SPTBN2: variants seen among roughly 807,000 people sequenced by gnomAD.
SPTBN2 encodes the protein spectrin beta, non-erythrocytic 2.
SPTBN2 carries 107 observed loss-of-function variants against 284.2 expected under a neutral mutation model. The ratio of observed to expected loss-of-function variants is 0.38; its 90% CI spans 0.32 to 0.44. The LOEUF is 0.44. Among genes scored for constraint, SPTBN2 ranks in the 20% least tolerant of loss-of-function variants. The pLI, the probability that SPTBN2 is intolerant of heterozygous loss-of-function variation, is 1.00. For missense variants in SPTBN2, 2,569 were observed against 3,287.1 expected (o/e 0.78, Z 5.34); for synonymous variants, 1,289 against 1,354.8 (o/e 0.95, Z 1.07).
At position 66,689,828 on chromosome 11, in the gene SPTBN2, T is replaced by A; in HGVS notation, c.5926A>T (p.Arg1976Trp). Reference protein sequence around the residue: ...CIDMGKELLARSHYAAEEISE... With the variant: ...CIDMGKELLAWSHYAAEEISE... ...ACCTCCTCGGCCGCATAGTGGCTCC[T>A]GGCCAGCAGCTCCTTCCCCATGTCG... The change falls in exon 29 of 38, where the codon AGG (arginine) becomes TGG (tryptophan). Residue 1976 changes from arginine (R) to tryptophan (W), a missense_variant. By Grantham distance (101) the Arg-to-Trp change is moderately radical. This residue lies in a region of SPTBN2 where 1,130 missense variants were observed against 1,317.3 expected (regional missense o/e 0.86). Transcript: ENST00000533211. The A allele has an allele frequency of 6.2e-7, 1 of 1,613,912 alleles. No individual in the cohort carries two copies. The highest frequency in any genetic ancestry group is 8.5e-7 in the Non-Finnish European group (1 of 1,180,020).
At chr11:66,733,841 G>A (rs1050294175), upstream of SPTBN2, among the ~76,000 whole-genome samples, 24 of 152,170 alleles carry the variant, frequency 1.6e-4, no homozygotes, top group Admixed American at 7.2e-4. Flanking sequence ...AGCCGGGCGC[G>A]GTGGCAGGCG....
In SPTBN2 at chr11:66,708,742, GCA is replaced by G. The variant is rs1437287499; in HGVS notation, c.1191+158_1191+159del. On this transcript the variant is annotated intron_variant, in intron 11 of 37. Coordinates refer to ENST00000533211, the MANE Select transcript of SPTBN2 (RefSeq NM_006946.4). The surrounding 1 kb of genome is among the most constrained non-coding windows in gnomAD (Gnocchi z 4.4). ...TGAGAGGATGGGAGAATCACATCTG[GCA>G]CAGTGTGGGCAGCTGGGCAGAGTGC... Among the ~76,000 whole-genome samples the G allele has an allele frequency of 6.6e-6, 1 of 152,166 alleles. No individual in the cohort carries two copies. Among genetic ancestry groups the G allele is most frequent in the Non-Finnish European group, 1.5e-5 (1 of 68,040 alleles).
At chr11:66,706,904 T>C (rs1293541705) in intron 13 of SPTBN2, among the ~76,000 whole-genome samples, 1 of 152,246 alleles carries the variant, frequency 6.6e-6, no homozygotes, top group African/African-American at 2.4e-5. Context: ...AGAGCTGGGA[T>C]TACAGGCATG....
At chr11:66,732,372 G>T (rs550360432), upstream of SPTBN2, among the ~76,000 whole-genome samples, 1 of 152,356 alleles carries the variant, frequency 6.6e-6, no homozygotes, top group South Asian at 2.1e-4. Flanking sequence ...AAGAGGCCGG[G>T]TGCAGTGGCT....
intron 1 of SPTBN2, among the ~76,000 whole-genome samples, chr11:66,743,556 C>CCAAA (rs1942918584): frequency 2.0e-5 from 3 of 152,328 alleles, no homozygotes; most frequent in Non-Finnish European, 2.9e-5. Flanking sequence ...AGATCACCAG[C>CCAAA]AGTTATAGGC....
chr11:66,709,805 G>C (rs1481314409), intron 10 of SPTBN2, among the ~76,000 whole-genome samples: 3 of 152,198 alleles, frequency 2.0e-5, no homozygotes, highest in Non-Finnish European at 4.4e-5. Flanking sequence ...GGCAGGTACT[G>C]AACAGAATTG....
In SPTBN2 at chr11:66,688,095, G is replaced by C. The variant is rs376626638; in HGVS notation, c.6375-16C>G. The C allele has an allele frequency of 5.5e-4, 880 of 1,613,904 alleles. 9 individuals carry two copies. In the South Asian group the frequency reaches 9.2e-3, roughly 17 times the overall value. ...TGGCTGGGTTCTGGGATGACCAAAG[G>C]CAACACAGAATCATTAGTCCCTGGG... On this transcript the variant is annotated splice_polypyrimidine_tract_variant and intron_variant, in intron 32 of 37. Transcript: ENST00000533211.
In SPTBN2 at chr11:66,710,566, C is replaced by T. The variant is rs751652661; in HGVS notation, c.1073+16G>A. 2.5e-6 allele frequency: 4 copies of T among 1,611,896 alleles called. No individual in the cohort carries two copies. The highest frequency in any genetic ancestry group is 8.5e-7 in the Non-Finnish European group (1 of 1,179,176). ...GAGCACAGCTCAGGGAAGGGTGGGG[C>T]CCCAGGGACACCTACTTGGGCGGCT... On this transcript the variant is annotated intron_variant, in intron 10 of 37. Coordinates refer to ENST00000533211, the MANE Select transcript of SPTBN2 (RefSeq NM_006946.4). This position sits in a 1 kb window ranked among gnomAD's most constrained non-coding sequence, Gnocchi z 4.9.
chr11:66,713,762 A>G lies in SPTBN2; in HGVS notation c.657-16T>C. The G allele has an allele frequency of 6.4e-7, 1 of 1,557,254 alleles. No individual in the cohort carries two copies. Among genetic ancestry groups the G allele is most frequent in the Non-Finnish European group, 8.9e-7 (1 of 1,128,538 alleles). On this transcript the variant is annotated splice_polypyrimidine_tract_variant and intron_variant, in intron 7 of 37. Transcript: ENST00000533211. Reference sequence around the variant, plus strand: ...CAGGTCTGGCCTGGGTGGGGAGGCAAGACAGAAGGGATCAGAAACATGTGA... The same window carrying G: ...CAGGTCTGGCCTGGGTGGGGAGGCAGGACAGAAGGGATCAGAAACATGTGA...
rs145836121 is a variant in SPTBN2 at position 66,689,823 on chromosome 11, G to C, written c.5931C>G (p.Ser1977Arg). Residue 1977 changes from serine to arginine, a missense_variant, in exon 29 of 38, where the codon AGC (serine) becomes AGG (arginine). Around this residue, in one of 6 missense-constraint regions of SPTBN2, gnomAD observed 1,130 missense variants for 1,317.3 expected, o/e 0.86. Transcript: ENST00000533211. ...IDMGKELLARSHYAAEEISEK... is the reference protein window; with the variant it reads ...IDMGKELLARRHYAAEEISEK... ...CACCCACCTCCTCGGCCGCATAGTG[G>C]CTCCTGGCCAGCAGCTCCTTCCCCA... The C allele has an allele frequency of 8.1e-6, 13 of 1,613,818 alleles. No individual in the cohort carries two copies. The highest frequency in any genetic ancestry group is 2.7e-5 in the African/African-American group (2 of 74,888).
chr11:66,698,569 T>A (rs1941063904), intron 20 of SPTBN2, 70 bp downstream of exon 20: 2 of 1,610,370 alleles, frequency 1.2e-6, no homozygotes, highest in Non-Finnish European at 1.7e-6. Flanking sequence ...AAAAACCACG[T>A]CCTGGAGCCA....
rs374457871 is a variant in SPTBN2 at position 66,688,239 on chromosome 11, C to T, written c.6304G>A (p.Glu2102Lys). The change falls in exon 32 of 38, where the codon GAA becomes AAA. Residue 2102 changes from glutamate (E) to lysine (K), a missense_variant. Around this residue, in one of 6 missense-constraint regions of SPTBN2, gnomAD observed 1,130 missense variants for 1,317.3 expected, o/e 0.86. Coordinates refer to ENST00000533211, the MANE Select transcript of SPTBN2 (RefSeq NM_006946.4). ...CCTGGAGGCACACTGGCTGTGGGTT[C>T]GGGAGCAGGCGGCTGTTTCCGCCGC... ...EERRKQPPAP[E>K]PTASVPPGDL... The T allele has an allele frequency of 1.8e-5, 29 of 1,613,322 alleles. No homozygotes were observed. Among genetic ancestry groups the T allele is most frequent in the Admixed American group, 5.0e-5 (3 of 59,992 alleles).
chr11:66,686,962 C>T, intron 36 of SPTBN2, 32 bp downstream of exon 36: 2 of 1,613,038 alleles, frequency 1.2e-6, no homozygotes, highest in Middle Eastern at 1.7e-4. Flanking sequence ...CAACTCTCCT[C>T]CCATCCCGAG....
At chr11:66,742,434 G>T (rs915022777) in intron 1 of SPTBN2, among the ~76,000 whole-genome samples, 2 of 152,010 alleles carry the variant, frequency 1.3e-5, no homozygotes, top group African/African-American at 4.8e-5. Context: ...CTGCCTCTAG[G>T]GTGGTATTGG....
chr11:66,687,680 G>A lies in SPTBN2; in HGVS notation c.6502-33C>T, dbSNP rs1422789091. 1 of 1,575,410 alleles carries A rather than the reference G, an allele frequency of 6.3e-7. No individual in the cohort carries two copies. Among genetic ancestry groups the A allele is most frequent in the Non-Finnish European group, 8.6e-7 (1 of 1,160,094 alleles). On this transcript the variant is annotated intron_variant, in intron 34 of 37. Transcript: ENST00000533211. This position sits in a 1 kb window ranked among gnomAD's most constrained non-coding sequence, Gnocchi z 5.2. ...GGAATCAGTGTCAGTGTCAAAGGTTGAGACGGGAGATCCCTAACCTGGGTG... is the reference window on the plus strand; with the variant it reads ...GGAATCAGTGTCAGTGTCAAAGGTTAAGACGGGAGATCCCTAACCTGGGTG...
chr11:66,686,119 AC>A lies in SPTBN2; in HGVS notation c.6940-16del. On this transcript the variant is annotated splice_polypyrimidine_tract_variant and intron_variant, in intron 37 of 37. Transcript: ENST00000533211. ...CTCATCTCTGCCTGTGGATGGAAAG[AC>A]CCTCAATCAGCTTCAAGGACACTGT... 1 of 1,607,814 alleles carries A rather than the reference AC, an allele frequency of 6.2e-7. No individual in the cohort carries two copies. The highest frequency in any genetic ancestry group is 1.1e-5 in the South Asian group (1 of 90,438).
chr11:66,739,720 T>C (rs1942880974), intron 1 of SPTBN2, among the ~76,000 whole-genome samples: 1 of 152,084 alleles, frequency 6.6e-6, no homozygotes, highest in Non-Finnish European at 1.5e-5. Flanking sequence ...CAGCCCTACT[T>C]AGAGATAAGG....
intron 20 of SPTBN2, 68 bp from the exon 21 acceptor site, chr11:66,696,608 CA>C: frequency 1.9e-6 from 3 of 1,599,284 alleles, no homozygotes; most frequent in Non-Finnish European, 2.5e-6. Context: ...GAGAGCAGAC[CA>C]GGGGCCTTAC....
chr11:66,698,591 G>A (rs369141283), intron 20 of SPTBN2, 48 bp downstream of exon 20: 7 of 1,612,842 alleles, frequency 4.3e-6, no homozygotes, highest in South Asian at 2.2e-5. Context: ...GCCCTCCCCC[G>A]TACCATGGGG....
Sources: allele counts gnomAD v4.1 joint callset (sites outside exome capture counted in the v4.1 genomes callset), GRCh38; gene constraint gnomAD v4.1.1; regional missense constraint gnomAD v4.1.1; non-coding constraint Gnocchi (gnomAD v3.1); transcripts MANE v1.5; gene names NCBI Gene and HGNC (gene_info 2026-07-23, HGNC 2026-07-21).